RSF1: variants seen among roughly 807,000 people sequenced by gnomAD.
RSF1 encodes the protein HBV pX-associated protein 8.
A neutral mutation model predicts 145.2 loss-of-function variants in RSF1; 13 were observed. The ratio of observed to expected loss-of-function variants is 0.09; its 90% confidence interval spans 0.06 to 0.14. The LOEUF is 0.14. Among genes scored for constraint, RSF1 ranks in the 10% least tolerant of loss-of-function variants. The pLI, the probability that RSF1 is intolerant of heterozygous loss-of-function variation, is 1.00. For missense variants in RSF1, 1,517 were observed against 1,718.2 expected (o/e 0.88, Z 2.07); for synonymous variants, 577 against 592.6 (o/e 0.97, Z 0.38).
upstream of RSF1, among the ~76,000 whole-genome samples, chr11:77,823,621 C>CAAAAA (rs397970373): frequency 1.5e-3 from 144 of 97,606 alleles, 1 homozygote; most frequent in African/African-American, 5.3e-3. Context: ...CACCCTGTCT[C>CAAAAA]AAAAAAAAAA....
At chr11:77,756,549 G>A (rs913639896) in intron 2 of RSF1, among the ~76,000 whole-genome samples, 4 of 151,986 alleles carry the variant, frequency 2.6e-5, no homozygotes, top group African/African-American at 7.3e-5. Flanking sequence ...CTAGACAAAC[G>A]CTCGGATACC....
chr11:77,734,575 T>A, intron 4 of RSF1: 1 of 1,539,850 alleles, frequency 6.5e-7, no homozygotes, highest in East Asian at 2.2e-5. Flanking sequence ...GGTCACATGG[T>A]CATCCAATTC....
chr11:77,734,762 G>T (rs958849475), intron 4 of RSF1: 25 of 1,581,522 alleles, frequency 1.6e-5, no homozygotes, highest in Non-Finnish European at 1.8e-5. Context: ...TCACAGTCTG[G>T]TTTTTTGATA....
intron 4 of RSF1, among the ~76,000 whole-genome samples, chr11:77,729,738 C>T (rs982422517): frequency 1.3e-5 from 2 of 151,666 alleles, no homozygotes; most frequent in Non-Finnish European, 2.9e-5. Context: ...TCTCCCATAA[C>T]AAAAACTCCT....
At chr11:77,765,530 C>A (rs967923272) in intron 1 of RSF1, among the ~76,000 whole-genome samples, 6 of 152,304 alleles carry the variant, frequency 3.9e-5, no homozygotes, top group Admixed American at 2.0e-4. Flanking sequence ...AACTTCCTCT[C>A]CTGATTCTGG....
At chr11:77,827,945 C>T in the RSF1 span, among the ~76,000 whole-genome samples, 7 of 152,222 alleles carry the variant, frequency 4.6e-5, no homozygotes, top group Admixed American at 4.6e-4. Context: ...CTCAAAAATC[C>T]TGTGTTATTC....
chr11:77,789,690 C>T (rs7127803), intron 1 of RSF1, among the ~76,000 whole-genome samples: 26,925 of 152,140 alleles, frequency 0.18, 2,980 homozygotes, highest in African/African-American at 0.29. Context: ...AAGTCAATTA[C>T]TCTGCCCAGG....
intron 2 of RSF1, chr11:77,764,024 GT>G (rs1412237762): frequency 6.6e-6 from 1 of 152,192 alleles, no homozygotes; most frequent in African/African-American, 2.4e-5. Context: ...TCATCAGTCA[GT>G]AGATTCTCAT....
chr11:77,781,976 T>C (rs1374494191), intron 1 of RSF1, among the ~76,000 whole-genome samples: 2 of 152,264 alleles, frequency 1.3e-5, no homozygotes, highest in African/African-American at 4.8e-5. Flanking sequence ...CTTTGCATTT[T>C]AGTTGGCTAT....
intron 1 of RSF1, among the ~76,000 whole-genome samples, chr11:77,788,578 G>C (rs958461933): frequency 6.7e-6 from 1 of 149,924 alleles, no homozygotes; most frequent in African/African-American, 2.4e-5. Context: ...AAAAAAAACT[G>C]CCTTAGTCTA....
intron 2 of RSF1, among the ~76,000 whole-genome samples, chr11:77,758,463 T>C (rs1036111378): frequency 2.0e-5 from 3 of 152,172 alleles, no homozygotes; most frequent in Non-Finnish European, 1.5e-5. Flanking sequence ...TAATTATATA[T>C]GTAGAAGTGG....
At position 77,786,024 on chromosome 11, in the gene RSF1, C is replaced by T. The variant is rs114665383; in HGVS notation, c.188-21335G>A. 9.4e-3 allele frequency among the ~76,000 whole-genome samples: 1,351 copies of T among 143,314 alleles called. 22 individuals are homozygous for T. The highest frequency in any genetic ancestry group is 0.032 in the African/African-American group (1,234 of 38,902). 94.0% of individuals were successfully genotyped at this position (143,314 alleles called of 152,430 possible). A position where few individuals can be genotyped will look rare whatever the true frequency, so the allele number is the denominator to read the frequency against. On this transcript the variant is annotated intron_variant, in intron 1 of 15. Coordinates refer to ENST00000308488, the MANE Select transcript of RSF1 (RefSeq NM_016578.4). ...AAAAAGAAACATCTGCATATCATAT[C>T]GTATAGTGGATTTTAACATTTCCAT...
intron 7 of RSF1, among the ~76,000 whole-genome samples, chr11:77,696,922 C>A (rs949110349): frequency 2.0e-5 from 3 of 152,142 alleles, no homozygotes; most frequent in African/African-American, 7.2e-5. Flanking sequence ...ACTGATAATA[C>A]ATTTAGCTTC....
In RSF1 at chr11:77,664,641, A is replaced by AGCTGCAGGACTAAAACGGTAGTGAGACT. The variant is rs1197768641; in HGVS notation, c.*2248_*2275dup. 1.3e-5 allele frequency: 2 copies of AGCTGCAGGACTAAAACGGTAGTGAGACT among 152,252 alleles called. No homozygotes were observed. The highest frequency in any genetic ancestry group is 4.8e-5 in the African/African-American group (2 of 41,462). The allele number at this position is 152,252 out of a possible 1,614,324, so 9.4% of individuals were successfully genotyped here. ...TTTCCACACAATAGTGGCTTTACCC[A>AGCTGCAGGACTAAAACGGTAGTGAGACT]GCTGCAGGACTAAAACGGTAGTGAG... On this transcript the variant is annotated 3_prime_UTR_variant, in exon 16 of 16. Coordinates refer to ENST00000308488, the MANE Select transcript of RSF1 (RefSeq NM_016578.4).
chr11:77,707,755 A>C (rs1474905580), intron 5 of RSF1, among the ~76,000 whole-genome samples: 1 of 152,246 alleles, frequency 6.6e-6, no homozygotes, highest in African/African-American at 2.4e-5. Context: ...TATTCAATAA[A>C]TATTTACTGA....
chr11:77,791,739 T>C (rs1328560371), intron 1 of RSF1, among the ~76,000 whole-genome samples: 1 of 152,148 alleles, frequency 6.6e-6, no homozygotes, highest in Non-Finnish European at 1.5e-5. Context: ...AGAATCATCA[T>C]TGTTTCAGTT....
chr11:77,706,294 G>A (rs374898337), intron 5 of RSF1, among the ~76,000 whole-genome samples: 101 of 151,172 alleles, frequency 6.7e-4, no homozygotes, highest in African/African-American at 2.3e-3. Flanking sequence ...AAACCTTAAC[G>A]CTCTTGTGTC....
At chr11:77,773,648 T>A (rs1471293555) in intron 1 of RSF1, among the ~76,000 whole-genome samples, 1 of 152,162 alleles carries the variant, frequency 6.6e-6, no homozygotes, top group East Asian at 1.9e-4. Flanking sequence ...CAAAAGCAAG[T>A]GTTGTTACTC....
chr11:77,866,605 A>C, the RSF1 span: 2 of 152,100 alleles, frequency 1.3e-5, no homozygotes, highest in Non-Finnish European at 2.9e-5. Flanking sequence ...TCTCCAGTCT[A>C]ATCTCCAGAG....
Sources: gnomAD v4.1 joint callset for allele counts (sites outside exome capture counted in the v4.1 genomes callset) on GRCh38, gnomAD v4.1.1 for gene constraint, MANE v1.5 for transcripts, NCBI Gene and HGNC (gene_info 2026-07-23, HGNC 2026-07-21) for gene names.